Variants in LDB2 observed in about 807,000 individuals in gnomAD.
LDB2 encodes LIM domain binding 2, also known as LIM domain-binding protein 2.
In LDB2, 12 loss-of-function variants were observed where a neutral mutation model predicts 44.3. That is an observed-to-expected ratio of 0.27 (90% CI 0.17 to 0.44). LDB2 has a LOEUF of 0.44. LDB2 is among the 20% of genes least tolerant of loss of function. The probability of loss-of-function intolerance (pLI) is 1.00; values close to 1 mark genes in which losing one functional copy is unlikely to be tolerated. For synonymous variants in LDB2, 164 were observed against 174.8 expected, an observed-to-expected ratio of 0.94 and a Z score of 0.49; for missense variants, 344 against 473.5, an observed-to-expected ratio of 0.73 and a Z score of 2.54.
chr4:16,545,659 C>T (rs887981450), intron 5 of LDB2, among the ~76,000 whole-genome samples: 4 of 152,168 alleles, frequency 2.6e-5, no homozygotes, highest in Non-Finnish European at 5.9e-5. Flanking sequence ...AAAATTCATG[C>T]AACTTTTTTT....
intron 1 of LDB2, among the ~76,000 whole-genome samples, chr4:16,816,597 G>C (rs1780970332): frequency 6.6e-6 from 1 of 151,706 alleles, no homozygotes; most frequent in East Asian, 1.9e-4. Flanking sequence ...TTTTAGTAGA[G>C]ACAGGGTTTC....
chr4:16,530,370 A>T (rs181717077), intron 5 of LDB2, among the ~76,000 whole-genome samples: 1 of 152,176 alleles, frequency 6.6e-6, no homozygotes, highest in Admixed American at 6.5e-5. Context: ...CTTCCTTGCT[A>T]GCTCTTGGAA....
intron 1 of LDB2, among the ~76,000 whole-genome samples, chr4:16,791,716 A>C (rs1775802271): frequency 6.6e-6 from 1 of 152,172 alleles, no homozygotes; most frequent in African/African-American, 2.4e-5. Context: ...AATTTGCTGT[A>C]GTACCTCTCT....
intron 2 of LDB2, among the ~76,000 whole-genome samples, chr4:16,732,535 C>T (rs529047875): frequency 6.6e-6 from 1 of 152,276 alleles, no homozygotes; most frequent in Admixed American, 6.5e-5. Flanking sequence ...TCATTAATAA[C>T]CCTGATTATT....
intron 1 of LDB2, among the ~76,000 whole-genome samples, chr4:16,886,899 G>C (rs1721852404): frequency 6.6e-6 from 1 of 151,822 alleles, no homozygotes; most frequent in African/African-American, 2.4e-5. Flanking sequence ...CGGGTGTGGT[G>C]GCGGGCACCT....
At chr4:16,892,777 T>G (rs1723793759) in intron 1 of LDB2, among the ~76,000 whole-genome samples, 1 of 152,238 alleles carries the variant, frequency 6.6e-6, no homozygotes, top group Non-Finnish European at 1.5e-5. Flanking sequence ...ATACTTTAAA[T>G]TAATTTCTTT....
At chr4:16,774,627 G>A (rs151281939) in intron 1 of LDB2, among the ~76,000 whole-genome samples, 1,577 of 152,246 alleles carry the variant, frequency 0.01, 26 homozygotes, top group African/African-American at 0.035. Context: ...TTTTACAGGT[G>A]AAGAAAACCA....
intron 1 of LDB2, among the ~76,000 whole-genome samples, chr4:16,802,215 G>T (rs1015886188): frequency 6.6e-6 from 1 of 152,144 alleles, no homozygotes; most frequent in Non-Finnish European, 1.5e-5. Context: ...ATGTCTGCAG[G>T]CTCCATCCCT....
chr4:16,733,271 T>C (rs1761137765), intron 2 of LDB2, among the ~76,000 whole-genome samples: 1 of 152,110 alleles, frequency 6.6e-6, no homozygotes, highest in South Asian at 2.1e-4. Flanking sequence ...ATTGGAGTCA[T>C]TTAAAATTTA....
rs762660450 is a variant in LDB2 at position 16,588,847 on chromosome 4, CCA to C, written c.409-17_409-16del. The C allele has an allele frequency of 8.1e-6, 13 of 1,612,086 alleles. No homozygotes were observed. In the East Asian group the frequency reaches 2.7e-4, roughly 33 times the overall value. On this transcript the variant is annotated splice_polypyrimidine_tract_variant and intron_variant, in intron 3 of 7. Transcript: ENST00000304523. ...TCTGTACATACCTGGAAGTGACAAA[CCA>C]CACAGTCATTCATTACGCACTTTGT...
At chr4:16,723,901 A>G (rs2152686478) in intron 2 of LDB2, among the ~76,000 whole-genome samples, 1 of 152,194 alleles carries the variant, frequency 6.6e-6, no homozygotes, top group South Asian at 2.1e-4. Context: ...CTTCTTGTCA[A>G]TGACACTTGC....
intron 5 of LDB2, among the ~76,000 whole-genome samples, chr4:16,565,784 G>A (rs1316716624): frequency 6.6e-6 from 1 of 151,926 alleles, no homozygotes; most frequent in Non-Finnish European, 1.5e-5. Context: ...ATAGTTTAAA[G>A]GTGTCTGGGA....
intron 2 of LDB2, among the ~76,000 whole-genome samples, chr4:16,641,084 GAA>G (rs1451298374): frequency 6.6e-6 from 1 of 152,178 alleles, no homozygotes; most frequent in Non-Finnish European, 1.5e-5. Context: ...GACATAGATG[GAA>G]ACTGGAAGCA....
intron 1 of LDB2, among the ~76,000 whole-genome samples, chr4:16,851,607 AT>A (rs1433984972): frequency 6.1e-4 from 93 of 152,016 alleles, no homozygotes; most frequent in African/African-American, 1.9e-3. Flanking sequence ...AAAAAAAAAA[AT>A]AATAAGAAAA....
chr4:16,505,839 C>A (rs1719209029), intron 7 of LDB2: 1 of 1,545,574 alleles, frequency 6.5e-7, no homozygotes, highest in South Asian at 1.2e-5. Context: ...AGACCACCAA[C>A]CTCTGAGGAG....
At chr4:16,739,606 ATATGTATATATACATGTGTGTG>A (rs1561054216) in intron 2 of LDB2, among the ~76,000 whole-genome samples, 11 of 88,504 alleles carry the variant, frequency 1.2e-4, no homozygotes, top group African/African-American at 2.7e-4. Context: ...ATATATATAT[ATATGTATATATACATGTGTGTG>A]TATATATGTA....
At chr4:16,718,810 T>G (rs1392215264) in intron 2 of LDB2, among the ~76,000 whole-genome samples, 3 of 152,170 alleles carry the variant, frequency 2.0e-5, no homozygotes, top group African/African-American at 7.2e-5. Flanking sequence ...TGACATCCCA[T>G]GGAAATAATA....
chr4:16,790,496 G>T (rs1395597369), intron 1 of LDB2, among the ~76,000 whole-genome samples: 1 of 150,504 alleles, frequency 6.6e-6, no homozygotes, highest in African/African-American at 2.5e-5. Flanking sequence ...GGAACATTTG[G>T]TTTTCCATAG....
At chr4:16,506,211 T>A (rs1048018668) in intron 7 of LDB2, 2 of 451,522 alleles carry the variant, frequency 4.4e-6, no homozygotes, top group Non-Finnish European at 3.9e-6. Flanking sequence ...CATCCAACGC[T>A]TATCATTTAA....
Sources: allele counts gnomAD v4.1 joint callset (sites outside exome capture counted in the v4.1 genomes callset), GRCh38; gene constraint gnomAD v4.1.1; transcripts MANE v1.5; gene names NCBI Gene and HGNC (gene_info 2026-07-23, HGNC 2026-07-21).